The following CDK19 variants were observed in gnomAD, a reference collection of about 807,000 sequenced individuals.
The protein encoded by CDK19 is cyclin-dependent kinase 19.
In CDK19, 20 loss-of-function variants were observed where a neutral mutation model predicts 68.3. That is an observed-to-expected ratio of 0.29 (90% CI 0.21 to 0.43). CDK19 has a LOEUF of 0.43. CDK19 is among the 20% of genes least tolerant of loss of function. The pLI, the probability that CDK19 is intolerant of heterozygous loss-of-function variation, is 1.00. For synonymous variants in CDK19, 221 were observed against 222.8 expected, an observed-to-expected ratio of 0.99 and a Z score of 0.07; for missense variants, 339 against 623.5, an observed-to-expected ratio of 0.54 and a Z score of 4.86.
intron 1 of CDK19, among the ~76,000 whole-genome samples, chr6:110,794,428 C>T (rs185407602): frequency 2.3e-4 from 31 of 136,550 alleles, no homozygotes; most frequent in African/African-American, 8.4e-4. Flanking sequence ...TTTTGAGACG[C>T]GTCTCACTCT....
chr6:110,707,071 G>A (rs1398574274), intron 2 of CDK19, among the ~76,000 whole-genome samples: 1 of 151,648 alleles, frequency 6.6e-6, no homozygotes, highest in African/African-American at 2.4e-5. Flanking sequence ...AGCACTTTGG[G>A]AGGCTGAGGC....
chr6:110,648,908 G>A (rs1466489942), intron 4 of CDK19, among the ~76,000 whole-genome samples: 2 of 151,778 alleles, frequency 1.3e-5, no homozygotes, highest in Admixed American at 6.6e-5. Context: ...TAGTAGAGAC[G>A]GGGTTTCACC....
At chr6:110,768,125 T>C (rs1779720374) in intron 1 of CDK19, among the ~76,000 whole-genome samples, 1 of 152,098 alleles carries the variant, frequency 6.6e-6, no homozygotes, top group Non-Finnish European at 1.5e-5. Context: ...GAAATGCAGA[T>C]GGGAAATAGG....
rs557215627 is a variant in CDK19, at chr6:110,666,021, G to C, written c.456+1413C>G. ...GCCTTCCAAAGTGCTGGGACTACAG[G>C]CATGAGCCACCACACCCAGCCCAAT... On this transcript the variant is annotated intron_variant, in intron 4 of 12. Coordinates refer to ENST00000368911, the MANE Select transcript of CDK19 (RefSeq NM_015076.5). Among the ~76,000 whole-genome samples, 24 of 151,884 alleles carry C rather than the reference G, an allele frequency of 1.6e-4. No individual in the cohort carries two copies. In the East Asian group the frequency reaches 2.7e-3, roughly 17 times the overall value.
intron 2 of CDK19, among the ~76,000 whole-genome samples, chr6:110,734,905 T>C (rs921338251): frequency 6.6e-6 from 1 of 152,176 alleles, no homozygotes; most frequent in Non-Finnish European, 1.5e-5. Flanking sequence ...CAAAATTAAA[T>C]TACTTGAATA....
At chr6:110,627,263 T>C in intron 6 of CDK19, 118 bp from the exon 7 acceptor site, 1 of 676,374 alleles carries the variant, frequency 1.5e-6, no homozygotes, top group Non-Finnish European at 2.3e-6. Flanking sequence ...GTACAATAAG[T>C]ACATTAAGAG....
intron 2 of CDK19, among the ~76,000 whole-genome samples, chr6:110,691,682 C>G (rs998118424): frequency 2.0e-5 from 3 of 151,038 alleles, no homozygotes; most frequent in Non-Finnish European, 4.4e-5. Flanking sequence ...GAGTCTCGCT[C>G]TGTCGCCCAG....
chr6:110,678,574 C>T (rs1771725595), intron 2 of CDK19, among the ~76,000 whole-genome samples: 1 of 152,200 alleles, frequency 6.6e-6, no homozygotes, highest in Non-Finnish European at 1.5e-5. Flanking sequence ...TCGCAACCAC[C>T]ATTCTGCACT....
intron 2 of CDK19, among the ~76,000 whole-genome samples, chr6:110,730,290 T>C (rs184424153): frequency 2.0e-5 from 3 of 152,186 alleles, no homozygotes; most frequent in African/African-American, 7.2e-5. Flanking sequence ...CCAAAGACAA[T>C]GCAAGGAAGC....
intron 4 of CDK19, chr6:110,645,913 C>T: frequency 1.1e-6 from 1 of 885,396 alleles, no homozygotes; most frequent in Admixed American, 2.1e-5. Context: ...CGAACTGTGC[C>T]GGGACAGCAG....
At chr6:110,805,090 C>T (rs1387221947) in intron 1 of CDK19, among the ~76,000 whole-genome samples, 7 of 152,102 alleles carry the variant, frequency 4.6e-5, no homozygotes, top group Non-Finnish European at 1.0e-4. Flanking sequence ...TGAATTACAT[C>T]CTGTCTTCTC....
At chr6:110,808,098 A>T (rs1782809562) in intron 1 of CDK19, among the ~76,000 whole-genome samples, 1 of 152,200 alleles carries the variant, frequency 6.6e-6, no homozygotes, top group Non-Finnish European at 1.5e-5. Flanking sequence ...CCCTGATTTA[A>T]ACATTTTTAT....
chr6:110,625,777 C>A (rs1356658170), intron 8 of CDK19, among the ~76,000 whole-genome samples: 1 of 152,066 alleles, frequency 6.6e-6, no homozygotes, highest in Admixed American at 6.6e-5. Flanking sequence ...TGGATACAGG[C>A]AAAGGACCCC....
At chr6:110,776,290 G>A (rs1424117180) in intron 1 of CDK19, among the ~76,000 whole-genome samples, 1 of 152,108 alleles carries the variant, frequency 6.6e-6, no homozygotes, top group Non-Finnish European at 1.5e-5. Context: ...TCAGCTGGGC[G>A]CAGTGGCATG....
rs983026707 is a variant in CDK19 at position 110,614,216 on chromosome 6, T to A, written c.*319A>T. On this transcript the variant is annotated 3_prime_UTR_variant, in exon 13 of 13. Coordinates refer to ENST00000368911, the MANE Select transcript of CDK19 (RefSeq NM_015076.5). Reference sequence around the variant, plus strand: ...ATAAACCATAGTGATTGCTACAGCATGAGAAAGGTGCACCAGGAAATCCTT... The same window carrying A: ...ATAAACCATAGTGATTGCTACAGCAAGAGAAAGGTGCACCAGGAAATCCTT... 6.9e-5 allele frequency: 15 copies of A among 218,574 alleles called. No individual in the cohort carries two copies. Among genetic ancestry groups the A allele is most frequent in the Non-Finnish European group, 9.1e-6 (1 of 109,526 alleles). 13.5% of individuals were successfully genotyped at this position (218,574 alleles called of 1,614,324 possible).
intron 1 of CDK19, among the ~76,000 whole-genome samples, chr6:110,771,989 C>T (rs1780045607): frequency 6.6e-6 from 1 of 152,196 alleles, no homozygotes; most frequent in Non-Finnish European, 1.5e-5. Context: ...AGCCACTCAA[C>T]AAGTCTCTAG....
At position 110,612,047 on chromosome 6, in the gene CDK19, A is replaced by G. The variant is rs1272605390; in HGVS notation, c.*2488T>C. ...CAGTTCTGCCAGCAAAAGTCATTAT[A>G]TACAAGGAAAACAGGGTAGTTCTGT... is the stretch of plus-strand genomic sequence containing the variant. On this transcript the variant is annotated 3_prime_UTR_variant, in exon 13 of 13. Coordinates refer to ENST00000368911, the MANE Select transcript of CDK19 (RefSeq NM_015076.5). 1 of 152,262 alleles carries G rather than the reference A, an allele frequency of 6.6e-6. No individual in the cohort carries two copies. Among genetic ancestry groups the G allele is most frequent in the Non-Finnish European group, 1.5e-5 (1 of 68,060 alleles). 9.4% of individuals were successfully genotyped at this position (152,262 alleles called of 1,614,324 possible).
intron 1 of CDK19, among the ~76,000 whole-genome samples, chr6:110,797,984 CAAAAAAA>C (rs56710819): frequency 4.6e-5 from 4 of 87,256 alleles, no homozygotes; most frequent in Non-Finnish European, 6.9e-5. Flanking sequence ...GACTCCGTCT[CAAAAAAA>C]AAAAAAAAAA....
At chr6:110,769,225 A>T (rs1286762949) in intron 1 of CDK19, among the ~76,000 whole-genome samples, 2 of 151,558 alleles carry the variant, frequency 1.3e-5, no homozygotes, top group Admixed American at 1.3e-4. Flanking sequence ...ACGATACTGA[A>T]TTATTGATTT....
Sources: gnomAD v4.1 joint callset for allele counts (sites outside exome capture counted in the v4.1 genomes callset) on GRCh38, gnomAD v4.1.1 for gene constraint, MANE v1.5 for transcripts, NCBI Gene and HGNC (gene_info 2026-07-23, HGNC 2026-07-21) for gene names.